SDC2: variants seen among roughly 807,000 people sequenced by gnomAD.
The protein encoded by SDC2 is syndecan-2.
SDC2 carries 13 observed loss-of-function variants against 22.2 expected under a neutral mutation model. The observed-to-expected ratio is 0.59, with a 90% CI of 0.38 to 0.93. The LOEUF (loss-of-function observed/expected upper bound fraction) is 0.93. Ranked by LOEUF, SDC2 falls within the 40% of genes least tolerant of loss-of-function variation. SDC2 has a pLI of 0.00. For missense variants in SDC2, 235 were observed against 246.8 expected (o/e 0.95, Z 0.32); for synonymous variants, 94 against 92.8 (o/e 1.01, Z -0.07).
chr8:96,601,514 G>A (rs758696903), intron 2 of SDC2, among the ~76,000 whole-genome samples: 3 of 151,382 alleles, frequency 2.0e-5, no homozygotes, highest in Admixed American at 6.6e-5. Context: ...CGTAGCATGC[G>A]CCTGTAGTCC....
intron 2 of SDC2, among the ~76,000 whole-genome samples, chr8:96,598,839 G>C (rs1007819798): frequency 6.6e-6 from 1 of 151,964 alleles, no homozygotes; most frequent in Non-Finnish European, 1.5e-5. Context: ...GATATTCAGT[G>C]GGGCTTCGAG....
At chr8:96,555,622 T>C (rs1305842175) in intron 1 of SDC2, among the ~76,000 whole-genome samples, 1 of 152,200 alleles carries the variant, frequency 6.6e-6, no homozygotes, top group East Asian at 1.9e-4. Flanking sequence ...ATCTGTAGAA[T>C]TTAATAAACT....
At chr8:96,581,254 T>C (rs112814848) in intron 1 of SDC2, among the ~76,000 whole-genome samples, 1 of 152,206 alleles carries the variant, frequency 6.6e-6, no homozygotes, top group Non-Finnish European at 1.5e-5. Flanking sequence ...TAGTATTTTT[T>C]AATTAAGCAT....
At chr8:96,515,106 C>A (rs1813383095) in intron 1 of SDC2, among the ~76,000 whole-genome samples, 1 of 152,222 alleles carries the variant, frequency 6.6e-6, no homozygotes, top group African/African-American at 2.4e-5. Context: ...TGGCAAATCA[C>A]TCAACCTCTT....
intron 1 of SDC2, among the ~76,000 whole-genome samples, chr8:96,509,123 G>A (rs1024714643): frequency 4.2e-5 from 6 of 142,122 alleles, no homozygotes; most frequent in African/African-American, 1.5e-4. Flanking sequence ...TCTCAGCTCT[G>A]CCAATTTCTG....
At chr8:96,577,611 A>G (rs1814525929) in intron 1 of SDC2, among the ~76,000 whole-genome samples, 1 of 152,220 alleles carries the variant, frequency 6.6e-6, no homozygotes, top group Non-Finnish European at 1.5e-5. Flanking sequence ...GTTTACATTA[A>G]GGTTTACACC....
chr8:96,578,026 A>G (rs1444714514), intron 1 of SDC2, among the ~76,000 whole-genome samples: 1 of 152,238 alleles, frequency 6.6e-6, no homozygotes, highest in Non-Finnish European at 1.5e-5. Context: ...TTCAGCACAT[A>G]GCAGTTGTTT....
At chr8:96,584,151 A>G (rs1448575891) in intron 1 of SDC2, among the ~76,000 whole-genome samples, 1 of 152,204 alleles carries the variant, frequency 6.6e-6, no homozygotes, top group Admixed American at 6.5e-5. Flanking sequence ...CCATATTCCT[A>G]TTGACATTCA....
rs191107694 is a variant in SDC2, at chr8:96,570,905, G to A, written c.61-22575G>A. ...GGCAGAAATTAGAACAGTGGTTACC[G>A]GGGGAAGGGAGAATAGGGAGTTACT... On this transcript the variant is annotated intron_variant, in intron 1 of 4. Transcript: ENST00000302190. Among the ~76,000 whole-genome samples the A allele has an allele frequency of 1.3e-4, 20 of 152,212 alleles. No homozygotes were observed. In the East Asian group the frequency reaches 3.3e-3, roughly 25 times the overall value.
intron 1 of SDC2, among the ~76,000 whole-genome samples, chr8:96,507,686 G>C (rs1050884662): frequency 1.3e-5 from 2 of 152,204 alleles, no homozygotes; most frequent in Non-Finnish European, 2.9e-5. Flanking sequence ...TGCATTTTCT[G>C]GGGGAAAGAA....
At chr8:96,608,545 G>A in intron 4 of SDC2, 75 bp downstream of exon 4, 3 of 1,314,192 alleles carry the variant, frequency 2.3e-6, no homozygotes, top group Non-Finnish European at 3.1e-6. Flanking sequence ...ATTCAAAAGT[G>A]CAGCAAAGCT....
At chr8:96,576,650 A>G (rs1424547675) in intron 1 of SDC2, among the ~76,000 whole-genome samples, 1 of 147,980 alleles carries the variant, frequency 6.8e-6, no homozygotes, top group Non-Finnish European at 1.5e-5. Flanking sequence ...CGATCTCCTG[A>G]CCTCGTGATC....
intron 1 of SDC2, among the ~76,000 whole-genome samples, chr8:96,533,800 TG>T (rs1004469345): frequency 4.6e-5 from 7 of 152,232 alleles, no homozygotes; most frequent in Non-Finnish European, 8.8e-5. Context: ...GATCCTGCAC[TG>T]GGGCCACAGG....
At chr8:96,564,784 A>G (rs1397193829) in intron 1 of SDC2, among the ~76,000 whole-genome samples, 5 of 152,234 alleles carry the variant, frequency 3.3e-5, no homozygotes, top group Admixed American at 6.5e-5. Flanking sequence ...ATCACATCCC[A>G]TAGGTAAGTG....
At chr8:96,556,010 C>T (rs1047690920) in intron 1 of SDC2, among the ~76,000 whole-genome samples, 2 of 151,092 alleles carry the variant, frequency 1.3e-5, no homozygotes, top group East Asian at 1.9e-4. Flanking sequence ...AAATGTAGTT[C>T]GTTTGGAATG....
intron 1 of SDC2, among the ~76,000 whole-genome samples, chr8:96,507,240 TA>T (rs1012175188): frequency 1.2e-4 from 19 of 152,326 alleles, no homozygotes; most frequent in African/African-American, 4.6e-4. Flanking sequence ...GCTGTTTTAT[TA>T]GTGTATTTTC....
intron 1 of SDC2, among the ~76,000 whole-genome samples, chr8:96,545,623 T>C (rs940433532): frequency 3.9e-5 from 6 of 152,174 alleles, no homozygotes; most frequent in African/African-American, 1.4e-4. Context: ...CAGTGGAAGA[T>C]TATTTTAGAG....
chr8:96,520,711 A>G (rs529577828), intron 1 of SDC2, among the ~76,000 whole-genome samples: 7 of 152,156 alleles, frequency 4.6e-5, no homozygotes, highest in Non-Finnish European at 8.8e-5. Context: ...GTGCCAGGCA[A>G]TTTCACTGTG....
intron 1 of SDC2, among the ~76,000 whole-genome samples, chr8:96,530,982 A>C (rs1298601325): frequency 6.6e-6 from 1 of 152,208 alleles, no homozygotes; most frequent in Non-Finnish European, 1.5e-5. Flanking sequence ...TGGGGAAATA[A>C]ATGACTGCTC....
Sources: gnomAD v4.1 joint callset for allele counts (sites outside exome capture counted in the v4.1 genomes callset) on GRCh38, gnomAD v4.1.1 for gene constraint, MANE v1.5 for transcripts, NCBI Gene and HGNC (gene_info 2026-07-23, HGNC 2026-07-21) for gene names.